MTOR: variants seen among roughly 807,000 people sequenced by gnomAD.
MTOR encodes the protein mechanistic target of rapamycin kinase, also known as serine/threonine-protein kinase mTOR.
MTOR carries 70 observed loss-of-function variants against 319.8 expected under a neutral mutation model. The ratio of observed to expected loss-of-function variants is 0.22; its 90% CI spans 0.18 to 0.27. The LOEUF (loss-of-function observed/expected upper bound fraction) is 0.27. Among genes scored for constraint, MTOR ranks in the 10% least tolerant of loss-of-function variants. The pLI, the probability that MTOR is intolerant of heterozygous loss-of-function variation, is 1.00. For missense variants in MTOR, 1,890 were observed against 3,274.4 expected (o/e 0.58, Z 10.32); for synonymous variants, 1,183 against 1,211.4 (o/e 0.98, Z 0.49).
At chr1:11,144,270 T>G (rs1180147492) in intron 34 of MTOR, among the ~76,000 whole-genome samples, 2 of 152,154 alleles carry the variant, frequency 1.3e-5, no homozygotes, top group African/African-American at 4.8e-5. Context: ...GAAATTTAAT[T>G]GGCCTGGGGA....
At chr1:11,222,578 A>G (rs1252233034) in intron 19 of MTOR, among the ~76,000 whole-genome samples, 13 of 151,898 alleles carry the variant, frequency 8.6e-5, no homozygotes, top group African/African-American at 3.1e-4. Context: ...GGCTCAAGCA[A>G]TCCTCTCAAC....
At chr1:11,138,661 TAAG>T (rs1389841907) in intron 36 of MTOR, among the ~76,000 whole-genome samples, 9 of 152,136 alleles carry the variant, frequency 5.9e-5, no homozygotes, top group Non-Finnish European at 7.4e-5. Context: ...CTCTTCCTTT[TAAG>T]AAGGAGGAAG....
At position 11,262,539 on chromosome 1, in the gene MTOR, C is replaced by T. The variant is rs1651296824; in HGVS notation, c.-109G>A. The T allele has an allele frequency of 6.6e-6, 1 of 152,444 alleles. No individual in the cohort carries two copies. The highest frequency in any genetic ancestry group is 2.4e-5 in the African/African-American group (1 of 41,476). 9.4% of individuals were successfully genotyped at this position (152,444 alleles called of 1,614,324 possible). On this transcript the variant is annotated 5_prime_UTR_variant, in exon 1 of 58. Coordinates refer to ENST00000361445, the MANE Select transcript of MTOR (RefSeq NM_004958.4). ...CACCGCCCGCCTTCCCCGCTGTCCT[C>T]TAAGCCGGGAGCGAGGGAAGGAGGG...
intron 9 of MTOR, among the ~76,000 whole-genome samples, 187 bp downstream of exon 9, chr1:11,242,927 T>A (rs981158570): frequency 2.0e-5 from 3 of 152,128 alleles, no homozygotes; most frequent in African/African-American, 7.2e-5. Flanking sequence ...CCCAAATATT[T>A]CATATATGTT....
At chr1:11,160,994 C>T (rs1644460500) in intron 29 of MTOR, among the ~76,000 whole-genome samples, 1 of 152,192 alleles carries the variant, frequency 6.6e-6, no homozygotes, top group Admixed American at 6.5e-5. Context: ...GGCATCACCT[C>T]ACCCCGGAAG....
intron 34 of MTOR, among the ~76,000 whole-genome samples, chr1:11,141,646 G>T (rs1367838541): frequency 2.7e-5 from 4 of 150,734 alleles, no homozygotes; most frequent in Non-Finnish European, 4.4e-5. Flanking sequence ...TGGGATTACA[G>T]GCATGAGCCA....
At chr1:11,167,311 GT>G in intron 29 of MTOR, 130 bp downstream of exon 29, 2 of 685,212 alleles carry the variant, frequency 2.9e-6, no homozygotes, top group Non-Finnish European at 5.2e-6. Flanking sequence ...CTGAAGACTG[GT>G]AAGTCAGCAT....
intron 54 of MTOR, among the ~76,000 whole-genome samples, chr1:11,111,359 T>G (rs764961631): frequency 6.6e-6 from 1 of 151,662 alleles, no homozygotes; most frequent in Non-Finnish European, 1.5e-5. Flanking sequence ...CATGCGTCTG[T>G]AATCCCAGCT....
chr1:11,111,987 C>A (rs80298580), intron 54 of MTOR, among the ~76,000 whole-genome samples: 97 of 141,694 alleles, frequency 6.8e-4, no homozygotes, highest in African/African-American at 1.6e-3. Context: ...AACAAAAAAA[C>A]CCCCCAAAAC....
rs757116592 is a variant in MTOR, at chr1:11,259,377, G to A, written c.33C>T (p.Thr11=). The change falls in exon 2 of 58, where the codon ACC becomes ACT. Residue 11 remains threonine (T), a synonymous_variant. Transcript: ENST00000361445. ...TCACATTGCTAGATGTGGTGGCAGC[G>A]GTGGTGGCGGCGGCAGGTCCGGTTC... is the stretch of plus-strand genomic sequence containing the variant. MLGTGPAAAT[T]AATTSSNVSV... is the part of the protein sequence containing the mutation. 1.1e-5 allele frequency: 18 copies of A among 1,594,204 alleles called. No homozygotes were observed. The highest frequency in any genetic ancestry group is 9.1e-5 in the Admixed American group (5 of 55,180).
intron 26 of MTOR, among the ~76,000 whole-genome samples, chr1:11,204,250 A>G (rs1015341983): frequency 1.3e-5 from 2 of 152,236 alleles, no homozygotes; most frequent in Non-Finnish European, 2.9e-5. Flanking sequence ...AACAGCAATA[A>G]TTAGAATACC....
At chr1:11,213,334 G>C in intron 21 of MTOR, 65 bp downstream of exon 21, 1 of 1,541,540 alleles carries the variant, frequency 6.5e-7, no homozygotes, top group Non-Finnish European at 8.8e-7. Flanking sequence ...TCAGCTTTTA[G>C]CTGATCACCC....
At position 11,127,203 on chromosome 1, in the gene MTOR, A is replaced by T. The variant is rs1570940467; in HGVS notation, c.6217-59T>A. 6.2e-7 allele frequency: 1 copy of T among 1,604,694 alleles called. No individual in the cohort carries two copies. Among genetic ancestry groups the T allele is most frequent in the East Asian group, 2.2e-5 (1 of 44,834 alleles). ...CAAAGTCTCAACCAACCCAGGAGGC[A>T]AAATCCCCAGGCTGACTGCAGATAT... On this transcript the variant is annotated intron_variant, in intron 44 of 57. Coordinates refer to ENST00000361445, the MANE Select transcript of MTOR (RefSeq NM_004958.4). The surrounding 1 kb of genome is among the most constrained non-coding windows in gnomAD (Gnocchi z 5.5).
rs1570942597 is a variant in MTOR at position 11,128,216 on chromosome 1, G to T, written c.5911-90C>A. ...TTTAAGGAGAATAACAAAACAAGTG[G>T]TGAGTGTGACATTAACATCTGCTTG... is the stretch of plus-strand genomic sequence containing the variant. On this transcript the variant is annotated intron_variant, in intron 42 of 57. Transcript: ENST00000361445. The surrounding 1 kb of genome is among the most constrained non-coding windows in gnomAD (Gnocchi z 5.3). The T allele has an allele frequency of 1.0e-5, 16 of 1,540,996 alleles. No homozygotes were observed. Among genetic ancestry groups the T allele is most frequent in the Non-Finnish European group, 1.4e-5 (16 of 1,131,250 alleles).
chr1:11,130,893 A>C, intron 38 of MTOR, 116 bp from the exon 39 acceptor site: 2 of 1,324,356 alleles, frequency 1.5e-6, no homozygotes, highest in Non-Finnish European at 2.0e-6. Flanking sequence ...TGTGTCCATA[A>C]AGCAAACACT....
At chr1:11,224,223 A>C (rs1210972961) in intron 19 of MTOR, among the ~76,000 whole-genome samples, 3 of 152,098 alleles carry the variant, frequency 2.0e-5, no homozygotes, top group Non-Finnish European at 4.4e-5. Context: ...AAAAGTCACA[A>C]GACAGTTAAA....
chr1:11,228,642 G>C (rs750741144), intron 19 of MTOR, 26 bp downstream of exon 19: 6 of 1,609,460 alleles, frequency 3.7e-6, no homozygotes, highest in Non-Finnish European at 5.1e-6. Context: ...AGGAGAAAGA[G>C]AAGGATTGGG....
Position 11,122,093 on chromosome 1 carries a change from G to A in MTOR, c.6696C>T (p.Thr2232=), listed in dbSNP as rs2100363328. 1 of 1,614,222 alleles carries A rather than the reference G, an allele frequency of 6.2e-7. No individual in the cohort carries two copies. Among genetic ancestry groups the A allele is most frequent in the Non-Finnish European group, 8.5e-7 (1 of 1,180,036 alleles). The change falls in exon 48 of 58, where the codon ACC becomes ACT. Residue 2232 remains threonine, a synonymous_variant. Transcript: ENST00000361445. ...GAACCCAGCCAATGAGGCCCGAGTT[G>A]GTCGATAAAGGGATGACAGCGTATC... ...IQRYAVIPLS[T]NSGLIGWVPH...
chr1:11,240,559 G>T lies in MTOR; in HGVS notation c.1542-12C>A. ...CAGTGAGGGCAGGGCTGAGGGGAAG[G>T]AAACAAGTCACATAAGGGCTGGGCA... On this transcript the variant is annotated splice_polypyrimidine_tract_variant and intron_variant, in intron 10 of 57. Transcript: ENST00000361445. The T allele has an allele frequency of 6.2e-7, 1 of 1,612,354 alleles. No homozygotes were observed. The highest frequency in any genetic ancestry group is 8.5e-7 in the Non-Finnish European group (1 of 1,178,960).
Sources: allele counts gnomAD v4.1 joint callset (sites outside exome capture counted in the v4.1 genomes callset), GRCh38; gene constraint gnomAD v4.1.1; non-coding constraint Gnocchi (gnomAD v3.1); transcripts MANE v1.5; gene names NCBI Gene and HGNC (gene_info 2026-07-23, HGNC 2026-07-21).